SDK1: variants seen among roughly 807,000 people sequenced by gnomAD.
SDK1 encodes protein sidekick-1.
SDK1 carries 157 observed loss-of-function variants against 245.5 expected under a neutral mutation model. The observed-to-expected ratio is 0.64, with a 90% confidence interval of 0.56 to 0.73. SDK1 has a LOEUF of 0.73. Ranked by LOEUF, SDK1 falls within the 30% of genes least tolerant of loss-of-function variation. The pLI is 0.00. For synonymous variants in SDK1, 1,647 were observed against 1,278.5 expected, an observed-to-expected ratio of 1.29 and a Z score of -6.15; for missense variants, 3,583 against 3,002.3, an observed-to-expected ratio of 1.19 and a Z score of -4.52.
chr7:3,793,646 C>T (rs958036037), intron 4 of SDK1, among the ~76,000 whole-genome samples: 4 of 152,178 alleles, frequency 2.6e-5, no homozygotes, highest in Non-Finnish European at 5.9e-5. Context: ...TGGGAAGCTA[C>T]AAACTGTATC....
intron 2 of SDK1, among the ~76,000 whole-genome samples, chr7:3,634,527 C>G (rs578183199): frequency 6.6e-6 from 1 of 152,134 alleles, no homozygotes; most frequent in African/African-American, 2.4e-5. Flanking sequence ...CAAACATTCC[C>G]TGCTGTGTTG....
intron 1 of SDK1, among the ~76,000 whole-genome samples, chr7:3,571,189 G>C (rs190845993): frequency 6.6e-6 from 1 of 151,994 alleles, no homozygotes; most frequent in Non-Finnish European, 1.5e-5. Flanking sequence ...GCTGAACTGC[G>C]TAAATTTTAA....
chr7:3,666,863 A>G (rs1006059612), intron 4 of SDK1, among the ~76,000 whole-genome samples: 1 of 152,132 alleles, frequency 6.6e-6, no homozygotes, highest in Non-Finnish European at 1.5e-5. Context: ...TAAATGCCTG[A>G]CGTTTCCCCT....
intron 1 of SDK1, among the ~76,000 whole-genome samples, chr7:3,561,158 C>G (rs1779739152): frequency 6.6e-6 from 1 of 152,148 alleles, no homozygotes; most frequent in Admixed American, 6.5e-5. Flanking sequence ...CCTAAGAGAC[C>G]TGCCAGGAAA....
At chr7:3,504,863 T>A (rs1200555447) in intron 1 of SDK1, among the ~76,000 whole-genome samples, 2 of 151,496 alleles carry the variant, frequency 1.3e-5, no homozygotes, top group Non-Finnish European at 2.9e-5. Flanking sequence ...TTCCTGAAAA[T>A]GTTAAAATAC....
At chr7:4,102,278 C>A (rs900511955) in intron 22 of SDK1, among the ~76,000 whole-genome samples, 2 of 152,164 alleles carry the variant, frequency 1.3e-5, no homozygotes, top group African/African-American at 4.8e-5. Context: ...CCAGCCACCT[C>A]CTCTCAGGAG....
At chr7:3,789,514 A>C (rs1176706077) in intron 4 of SDK1, among the ~76,000 whole-genome samples, 1 of 152,182 alleles carries the variant, frequency 6.6e-6, no homozygotes, top group Non-Finnish European at 1.5e-5. Context: ...AAAATTAGTT[A>C]TTTTAATGGG....
At chr7:4,236,561 C>A (rs1010514810) in intron 41 of SDK1, among the ~76,000 whole-genome samples, 6 of 152,042 alleles carry the variant, frequency 3.9e-5, no homozygotes, top group Non-Finnish European at 8.8e-5. Flanking sequence ...ACACACAGTG[C>A]GTGTTTGCGG....
intron 7 of SDK1, among the ~76,000 whole-genome samples, chr7:3,958,720 C>T (rs973272312): frequency 6.6e-6 from 1 of 152,182 alleles, no homozygotes; most frequent in Non-Finnish European, 1.5e-5. Flanking sequence ...AAGTAGCCAT[C>T]ACCCTGAGTA....
At chr7:3,510,588 A>AC (rs1331512923) in intron 1 of SDK1, among the ~76,000 whole-genome samples, 3 of 152,196 alleles carry the variant, frequency 2.0e-5, no homozygotes, top group African/African-American at 7.2e-5. Context: ...CAGAAAGAAT[A>AC]CAGGCTCAGA....
chr7:4,243,381 A>G (rs995974123), intron 43 of SDK1, among the ~76,000 whole-genome samples: 1 of 152,228 alleles, frequency 6.6e-6, no homozygotes, highest in Non-Finnish European at 1.5e-5. Context: ...TAAATAAGCC[A>G]TCACCTTTTC....
chr7:3,998,279 A>G (rs13437708), intron 14 of SDK1, among the ~76,000 whole-genome samples: 70,433 of 152,102 alleles, frequency 0.46, 18,793 homozygotes, highest in African/African-American at 0.75. Context: ...CCCCGGCAGC[A>G]CCTCCCTGCA....
chr7:3,867,281 C>T (rs921589357), intron 5 of SDK1, among the ~76,000 whole-genome samples: 1 of 152,094 alleles, frequency 6.6e-6, no homozygotes, highest in Admixed American at 6.5e-5. Flanking sequence ...GTGGACTCTT[C>T]ATTGAAAGCA....
intron 1 of SDK1, among the ~76,000 whole-genome samples, chr7:3,442,447 C>T (rs1780222257): frequency 6.6e-6 from 1 of 152,142 alleles, no homozygotes; most frequent in African/African-American, 2.4e-5. Context: ...AAAGACAGTT[C>T]AGGACATATT....
intron 13 of SDK1, among the ~76,000 whole-genome samples, chr7:3,981,702 A>T (rs1783415440): frequency 6.6e-6 from 1 of 152,226 alleles, no homozygotes; most frequent in Non-Finnish European, 1.5e-5. Flanking sequence ...CCTTAGGCCA[A>T]AGCCTAACCC....
chr7:3,956,488 C>G (rs115571270), intron 7 of SDK1, among the ~76,000 whole-genome samples: 3,677 of 152,282 alleles, frequency 0.024, 147 homozygotes, highest in African/African-American at 0.082. Flanking sequence ...AGAGGCCACG[C>G]AGGGCATGGG....
intron 1 of SDK1, among the ~76,000 whole-genome samples, chr7:3,385,463 AATT>A (rs2128568237): frequency 6.6e-6 from 1 of 152,224 alleles, no homozygotes; most frequent in East Asian, 1.9e-4. Flanking sequence ...AGCAGACAAT[AATT>A]TTTTTTCTAC....
At chr7:4,129,492 A>G (rs1416271715) in intron 26 of SDK1, among the ~76,000 whole-genome samples, 1 of 152,108 alleles carries the variant, frequency 6.6e-6, no homozygotes, top group African/African-American at 2.4e-5. Context: ...GTGTGAGGAC[A>G]GCAGGTCTTC....
chr7:3,881,707 C>G (rs1781213380), intron 5 of SDK1, among the ~76,000 whole-genome samples: 1 of 152,210 alleles, frequency 6.6e-6, no homozygotes, highest in Non-Finnish European at 1.5e-5. Flanking sequence ...AATGGTTGAA[C>G]TAATTTACAT....
Sources: gnomAD v4.1 joint callset for allele counts (sites outside exome capture counted in the v4.1 genomes callset) on GRCh38, gnomAD v4.1.1 for gene constraint, MANE v1.5 for transcripts, NCBI Gene and HGNC (gene_info 2026-07-23, HGNC 2026-07-21) for gene names.